Variants in AAK1 observed in about 807,000 individuals in gnomAD.
The protein encoded by AAK1 is AP2 associated kinase 1.
AAK1 carries 37 observed loss-of-function variants against 116.0 expected under a neutral mutation model. The observed-to-expected ratio is 0.32, with a 90% CI of 0.25 to 0.42. The LOEUF is 0.42. AAK1 is among the 10% of genes least tolerant of loss of function. The pLI is 1.00. For missense variants in AAK1, 919 were observed against 1,170.6 expected (o/e 0.79, Z 3.14); for synonymous variants, 458 against 439.9 (o/e 1.04, Z -0.51).
Position 69,467,298 on chromosome 2 carries a change from T to C in AAK1, c.*8571A>G. On this transcript the variant is annotated 3_prime_UTR_variant, in exon 22 of 22. Transcript: ENST00000409085. ...CAGAAGGAGTAAAATGCATGGGCCA[T>C]TACAGAAGCATTAGCAAACTCCAAT... 9.1e-6 allele frequency: 9 copies of C among 985,444 alleles called. No individual in the cohort carries two copies. Among genetic ancestry groups the C allele is most frequent in the Non-Finnish European group, 1.1e-5 (9 of 829,930 alleles). The allele number at this position is 985,444 out of a possible 1,614,324, so 61.0% of individuals were successfully genotyped here. A position where few individuals can be genotyped will look rare whatever the true frequency, so the allele number is the denominator to read the frequency against.
chr2:69,563,466 A>T (rs929833081), intron 2 of AAK1, among the ~76,000 whole-genome samples: 1 of 152,212 alleles, frequency 6.6e-6, no homozygotes, highest in Non-Finnish European at 1.5e-5. Context: ...GATATTTTAA[A>T]ATCAGGCCTA....
intron 2 of AAK1, among the ~76,000 whole-genome samples, chr2:69,606,734 C>A (rs1297547642): frequency 6.6e-6 from 1 of 152,104 alleles, no homozygotes; most frequent in African/African-American, 2.4e-5. Context: ...TTGCACTCAA[C>A]CAGGGAGACA....
In AAK1 at chr2:69,474,734, A is replaced by G; in HGVS notation, c.*1135T>C. The G allele has an allele frequency of 1.0e-6, 1 of 985,832 alleles. No homozygotes were observed. Among genetic ancestry groups the G allele is most frequent in the Non-Finnish European group, 1.2e-6 (1 of 829,914 alleles). 61.1% of individuals were successfully genotyped at this position (985,832 alleles called of 1,614,324 possible). A position where few individuals can be genotyped will look rare whatever the true frequency, so the allele number is the denominator to read the frequency against. The stretch of plus-strand genomic sequence containing the variant: ...GACAGAGGACCTGCTGAAAGCTTAT[A>G]GCACACAAGTCTATTCAAAATGATT... On this transcript the variant is annotated 3_prime_UTR_variant, in exon 22 of 22. Coordinates refer to ENST00000409085, the MANE Select transcript of AAK1 (RefSeq NM_014911.5).
At chr2:69,506,868 C>CTGTGTGTGTG (rs10531990) in intron 15 of AAK1, among the ~76,000 whole-genome samples, 2,376 of 149,332 alleles carry the variant, frequency 0.016, 45 homozygotes, top group African/African-American at 0.051. Flanking sequence ...GTGCATGTGC[C>CTGTGTGTGTG]TGTGTGTGTG....
At chr2:69,616,256 G>A (rs1480004681) in intron 2 of AAK1, among the ~76,000 whole-genome samples, 2 of 152,152 alleles carry the variant, frequency 1.3e-5, no homozygotes, top group Admixed American at 6.5e-5. Flanking sequence ...TCAGCCGCTT[G>A]AGTAGCAGGA....
At chr2:69,534,317 A>C (rs904855925) in intron 5 of AAK1, among the ~76,000 whole-genome samples, 1 of 152,196 alleles carries the variant, frequency 6.6e-6, no homozygotes, top group African/African-American at 2.4e-5. Flanking sequence ...CTGCTACAGG[A>C]AGCAGGTTAG....
chr2:69,640,279 A>G (rs1243101669), intron 2 of AAK1, among the ~76,000 whole-genome samples: 1 of 151,980 alleles, frequency 6.6e-6, no homozygotes, highest in African/African-American at 2.4e-5. Flanking sequence ...CAGCCTACAG[A>G]GTGAGGCCTG....
Position 69,473,631 on chromosome 2 carries a change from A to G in AAK1, c.*2238T>C. 1.0e-6 allele frequency: 1 copy of G among 982,834 alleles called. No individual in the cohort carries two copies. The highest frequency in any genetic ancestry group is 1.2e-6 in the Non-Finnish European group (1 of 827,234). 60.9% of individuals were successfully genotyped at this position (982,834 alleles called of 1,614,324 possible). A position where few individuals can be genotyped will look rare whatever the true frequency, so the allele number is the denominator to read the frequency against. ...ATTTCAATGTAATTATGGGTAATAT[A>G]TGAAAAGAACAATTTAGAGATACCT... On this transcript the variant is annotated 3_prime_UTR_variant, in exon 22 of 22. Coordinates refer to ENST00000409085, the MANE Select transcript of AAK1 (RefSeq NM_014911.5).
At chr2:69,485,659 CTTTT>C (rs1178344901) in intron 17 of AAK1, among the ~76,000 whole-genome samples, 2 of 144,686 alleles carry the variant, frequency 1.4e-5, no homozygotes, top group East Asian at 4.0e-4. Flanking sequence ...GAAAATCTCT[CTTTT>C]TTTTTTTTTT....
At chr2:69,500,851 G>A (rs1675955983) in intron 16 of AAK1, among the ~76,000 whole-genome samples, 1 of 151,532 alleles carries the variant, frequency 6.6e-6, no homozygotes, top group Admixed American at 6.6e-5. Context: ...TGTAATAGAT[G>A]AAAACTAGGC....
At chr2:69,490,358 T>C (rs950928521) in intron 17 of AAK1, among the ~76,000 whole-genome samples, 3 of 152,030 alleles carry the variant, frequency 2.0e-5, no homozygotes, top group South Asian at 4.1e-4. Context: ...ATTTGTGCAC[T>C]CAATGTTCAC....
At chr2:69,578,717 T>C in intron 2 of AAK1, among the ~76,000 whole-genome samples, 1 of 152,100 alleles carries the variant, frequency 6.6e-6, no homozygotes, top group East Asian at 1.9e-4. Flanking sequence ...GAAGAAATTG[T>C]TCCCTCTCTA....
intron 10 of AAK1, 56 bp from the exon 11 acceptor site, chr2:69,521,044 T>C: frequency 6.4e-7 from 1 of 1,573,760 alleles, no homozygotes; most frequent in Admixed American, 1.7e-5. Context: ...TGGAAGGGAG[T>C]GGGCAGAGGA....
rs1343518565 is a variant in AAK1, at chr2:69,640,053, A to ACACACACT, written c.163+2824_163+2825insAGTGTGTG. Among the ~76,000 whole-genome samples, 21 of 92,788 alleles carry ACACACACT rather than the reference A, an allele frequency of 2.3e-4. No individual in the cohort carries two copies. In the East Asian group the frequency reaches 4.4e-3, roughly 20 times the overall value. 60.9% of individuals were successfully genotyped at this position (92,788 alleles called of 152,430 possible). On this transcript the variant is annotated intron_variant, in intron 2 of 21. Transcript: ENST00000409085. Reference sequence around the variant, plus strand: ...CACACACACACACACACACACACACACTCTCTCTCTCTCTCTCTCTCTCTC... The same window carrying ACACACACT: ...CACACACACACACACACACACACACACACACACTCTCTCTCTCTCTCTCTCTCTCTCTC...
At position 69,474,467 on chromosome 2, in the gene AAK1, A is replaced by G; in HGVS notation, c.*1402T>C. 1 of 985,640 alleles carries G rather than the reference A, an allele frequency of 1.0e-6. No homozygotes were observed. The highest frequency in any genetic ancestry group is 1.7e-5 in the African/African-American group (1 of 57,362). The allele number at this position is 985,640 out of a possible 1,614,324, so 61.1% of individuals were successfully genotyped here. A position where few individuals can be genotyped will look rare whatever the true frequency, so the allele number is the denominator to read the frequency against. On this transcript the variant is annotated 3_prime_UTR_variant, in exon 22 of 22. Transcript: ENST00000409085. ...GAGGGTGACCATGAGGCATGTTGTC[A>G]TGTTAGTGCAGGGGCCTTTATTTAT...
intron 2 of AAK1, among the ~76,000 whole-genome samples, chr2:69,604,994 A>C (rs1673737199): frequency 1.3e-5 from 2 of 152,114 alleles, no homozygotes; most frequent in African/African-American, 4.8e-5. Context: ...CTTCTCCAAA[A>C]TGCTCTTGAA....
intron 3 of AAK1, among the ~76,000 whole-genome samples, chr2:69,549,097 G>A (rs561782330): frequency 2.6e-5 from 4 of 152,134 alleles, no homozygotes; most frequent in Admixed American, 1.3e-4. Flanking sequence ...GGCTGGGCTC[G>A]GTGGCTCACG....
At chr2:69,482,931 C>T (rs1558897707) in intron 17 of AAK1, 119 bp from the exon 18 acceptor site, 2 of 635,396 alleles carry the variant, frequency 3.1e-6, no homozygotes, top group Non-Finnish European at 5.5e-6. Flanking sequence ...TACAGGTTCA[C>T]CATAAAAATG....
intron 2 of AAK1, among the ~76,000 whole-genome samples, chr2:69,596,657 T>G (rs1673303356): frequency 6.6e-6 from 1 of 152,266 alleles, no homozygotes; most frequent in African/African-American, 2.4e-5. Context: ...TCTTAGATAT[T>G]GCTAAGACCA....
Sources: gnomAD v4.1 joint callset for allele counts (sites outside exome capture counted in the v4.1 genomes callset) on GRCh38, gnomAD v4.1.1 for gene constraint, MANE v1.5 for transcripts, NCBI Gene and HGNC (gene_info 2026-07-23, HGNC 2026-07-21) for gene names.